Variants in UGT2B28 observed in about 807,000 individuals in gnomAD.
UGT2B28 encodes UDP glucuronosyltransferase family 2 member B28.
Under a neutral mutation model 43.6 loss-of-function variants are expected in UGT2B28, and 45 were observed. The ratio of observed to expected loss-of-function variants is 1.03; its 90% confidence interval spans 0.81 to 1.32. UGT2B28 has a LOEUF of 1.32. Among genes scored for constraint, UGT2B28 ranks in the 40% most tolerant of loss-of-function variants. The pLI, the probability that UGT2B28 is intolerant of heterozygous loss-of-function variation, is 0.00. For missense variants in UGT2B28, 649 were observed against 625.5 expected (o/e 1.04, Z -0.40); for synonymous variants, 204 against 208.1 (o/e 0.98, Z 0.17).
At chr4:69,290,533 T>C in intron 4 of UGT2B28, 59 bp from the exon 5 acceptor site, 1 of 1,527,214 alleles carries the variant, frequency 6.5e-7, no homozygotes, top group Non-Finnish European at 8.8e-7. Flanking sequence ...TCAGAGCATT[T>C]CATTGTGTAT....
At position 69,284,763 on chromosome 4, in the gene UGT2B28, T is replaced by C. The variant is rs758597171; in HGVS notation, c.871-1989T>C. On this transcript the variant is annotated intron_variant, in intron 2 of 5. Coordinates refer to ENST00000335568, the MANE Select transcript of UGT2B28 (RefSeq NM_053039.2). ...AAACCAGTTATTTAACTGTTTATTA[T>C]GTAAAATAACTGCTAACACAGGTTG... Among the ~76,000 whole-genome samples the C allele has an allele frequency of 1.6e-4, 22 of 141,214 alleles. 4 individuals carry two copies. Among genetic ancestry groups the C allele is most frequent in the Non-Finnish European group, 2.3e-4 (15 of 65,960 alleles). 92.6% of individuals were successfully genotyped at this position (141,214 alleles called of 152,430 possible).
chr4:69,290,158 T>C (rs1162464587), intron 4 of UGT2B28, among the ~76,000 whole-genome samples: 1 of 140,006 alleles, frequency 7.1e-6, no homozygotes, highest in African/African-American at 2.8e-5. Context: ...TTCCTAATCT[T>C]AATCTTAAAG....
In UGT2B28 at chr4:69,287,025, A is replaced by G. The variant is rs1421274449; in HGVS notation, c.1002+142A>G. 8.7e-6 allele frequency: 12 copies of G among 1,376,804 alleles called. 1 individual carries two copies. Among genetic ancestry groups the G allele is most frequent in the East Asian group, 2.6e-5 (1 of 38,228 alleles). 85.3% of individuals were successfully genotyped at this position (1,376,804 alleles called of 1,614,324 possible). On this transcript the variant is annotated intron_variant, in intron 3 of 5. Transcript: ENST00000335568. ...TAAATATCTTGTGTAGCTTCCACCG[A>G]CACAAGTCATAGTTGTGCCTCAGAC...
intron 3 of UGT2B28, among the ~76,000 whole-genome samples, chr4:69,288,549 T>C (rs1183215813): frequency 1.4e-5 from 2 of 140,174 alleles, no homozygotes; most frequent in African/African-American, 2.8e-5. Context: ...TATAATTTTT[T>C]ATACTTTTTT....
At chr4:69,285,070 A>G (rs1233706889) in intron 2 of UGT2B28, among the ~76,000 whole-genome samples, 2 of 139,690 alleles carry the variant, frequency 1.4e-5, no homozygotes, top group African/African-American at 2.8e-5. Context: ...GAAATATTCA[A>G]TTACACCATC....
At position 69,280,780 on chromosome 4, in the gene UGT2B28, G is replaced by A. The variant is rs201641950; in HGVS notation, c.280G>A (p.Val94Ile). The change falls in exon 1 of 6, where the codon GTT becomes ATT. Residue 94 changes from valine to isoleucine, a missense_variant. Transcript: ENST00000335568. The part of the protein sequence containing the change: ...TEFENIIMQQ[V>I]KRWSDIQKDS... Reference sequence around the variant, plus strand: ...ATTTGAGAATATCATCATGCAACAGGTTAAGAGATGGTCAGACATTCAAAA... The same window carrying A: ...ATTTGAGAATATCATCATGCAACAGATTAAGAGATGGTCAGACATTCAAAA... 1.8e-5 allele frequency: 28 copies of A among 1,568,394 alleles called. 1 individual carries two copies. Among genetic ancestry groups the A allele is most frequent in the Non-Finnish European group, 2.3e-5 (27 of 1,159,894 alleles).
chr4:69,286,853 T>C lies in UGT2B28; in HGVS notation c.972T>C (p.Ile324=), dbSNP rs771495598. The C allele has an allele frequency of 1.0e-4, 159 of 1,556,028 alleles. 22 individuals carry two copies. Among genetic ancestry groups the C allele is most frequent in the Admixed American group, 4.1e-4 (23 of 56,048 alleles). Reference sequence around the variant, plus strand: ...TGACAGCAGAAAGGGCCAACGTAATTGCAACAGCCCTTGCCAAGATCCCAC... The same window carrying C: ...TGACAGCAGAAAGGGCCAACGTAATCGCAACAGCCCTTGCCAAGATCCCAC... ...SNMTAERANV[I]ATALAKIPQK... is the part of the protein sequence containing the mutation. The change falls in exon 3 of 6, where the codon ATT becomes ATC. Residue 324 remains isoleucine, a synonymous_variant. Coordinates refer to ENST00000335568, the MANE Select transcript of UGT2B28 (RefSeq NM_053039.2).
intron 3 of UGT2B28, among the ~76,000 whole-genome samples, chr4:69,287,256 A>T (rs539038894): frequency 8.5e-5 from 12 of 140,982 alleles, no homozygotes; most frequent in Non-Finnish European, 1.8e-4. Context: ...ATGGTGCCTA[A>T]TGTAGTCTTT....
In UGT2B28 at chr4:69,281,084, C is replaced by G. The variant is rs780534422; in HGVS notation, c.584C>G (p.Pro195Arg). Reference protein sequence around the residue: ...GGLIFPPSYIPVVMSKLSDQM... With the variant: ...GGLIFPPSYIRVVMSKLSDQM... ...CTGATTTTCCCTCCTTCCTACATAC[C>G]TGTTGTTATGTCAAAATTAAGTGAT... The change falls in exon 1 of 6, where the codon CCT (proline) becomes CGT (arginine). Residue 195 changes from proline (P) to arginine (R), a missense_variant. Transcript: ENST00000335568. 1.5e-5 allele frequency: 23 copies of G among 1,559,312 alleles called. 3 individuals are homozygous for G. In the African/African-American group the frequency reaches 3.3e-4, roughly 23 times the overall value.
chr4:69,285,910 G>T (rs564120984), intron 2 of UGT2B28, among the ~76,000 whole-genome samples: 1 of 141,184 alleles, frequency 7.1e-6, no homozygotes, highest in Admixed American at 7.1e-5. Flanking sequence ...ACACAACAAA[G>T]TGATGATGAG....
chr4:69,280,996 A>G lies in UGT2B28; in HGVS notation c.496A>G (p.Ile166Val), dbSNP rs1209492492. ...TGAGCTGCTGGCTGCGCTACTTAAC[A>G]TACCGTTTGTGTACAGTCTCTGCTT... is the stretch of plus-strand genomic sequence containing the variant. ...CGELLAALLN[I>V]PFVYSLCFTP... Residue 166 changes from isoleucine (I) to valine (V), a missense_variant, in exon 1 of 6, where the codon ATA (isoleucine) becomes GTA (valine). Coordinates refer to ENST00000335568, the MANE Select transcript of UGT2B28 (RefSeq NM_053039.2). 3 of 1,560,188 alleles carry G rather than the reference A, an allele frequency of 1.9e-6. No homozygotes were observed. Among genetic ancestry groups the G allele is most frequent in the East Asian group, 4.6e-5 (2 of 43,582 alleles).
At chr4:69,281,319 T>C in intron 1 of UGT2B28, 98 bp downstream of exon 1, 2 of 1,306,538 alleles carry the variant, frequency 1.5e-6, no homozygotes, top group Non-Finnish European at 9.9e-7. Flanking sequence ...GTGGAGTTTT[T>C]GGTAAGTGAA....
In UGT2B28 at chr4:69,291,561, TG is replaced by T. The variant is rs371259493; in HGVS notation, c.1310+751del. 1.6e-3 allele frequency among the ~76,000 whole-genome samples: 226 copies of T among 141,434 alleles called. 52 individuals carry two copies. The highest frequency in any genetic ancestry group is 5.8e-3 in the African/African-American group (212 of 36,448). 92.8% of individuals were successfully genotyped at this position (141,434 alleles called of 152,430 possible). On this transcript the variant is annotated intron_variant, in intron 5 of 5. Coordinates refer to ENST00000335568, the MANE Select transcript of UGT2B28 (RefSeq NM_053039.2). ...GTTTTTGTTTTACTTCATATTGTTTTGTGTTTTAATACTTCATTTCCTTTAC... is the reference window on the plus strand; with the variant it reads ...GTTTTTGTTTTACTTCATATTGTTTTTGTTTTAATACTTCATTTCCTTTAC...
At chr4:69,293,891 T>C (rs1401810068) in intron 5 of UGT2B28, among the ~76,000 whole-genome samples, 1 of 140,634 alleles carries the variant, frequency 7.1e-6, no homozygotes, top group Admixed American at 7.2e-5. Context: ...TCATTCTGGC[T>C]ACAGGGTGGG....
In UGT2B28 at chr4:69,281,889, G is replaced by C. The variant is rs947111814; in HGVS notation, c.722-625G>C. On this transcript the variant is annotated intron_variant, in intron 1 of 5. Coordinates refer to ENST00000335568, the MANE Select transcript of UGT2B28 (RefSeq NM_053039.2). ...TATGTCTCTTTATTTAAAAATATGA[G>C]ACAGATTAAGGTTGAGTACAGATCT... Among the ~76,000 whole-genome samples, 19 of 140,230 alleles carry C rather than the reference G, an allele frequency of 1.4e-4. 4 individuals are homozygous for C. Among genetic ancestry groups the C allele is most frequent in the African/African-American group, 5.3e-4 (19 of 36,022 alleles). 92.0% of individuals were successfully genotyped at this position (140,230 alleles called of 152,430 possible).
Position 69,292,228 on chromosome 4 carries a change from G to T in UGT2B28, c.1310+1417G>T, listed in dbSNP as rs1466793241. On this transcript the variant is annotated intron_variant, in intron 5 of 5. Transcript: ENST00000335568. ...ATTTTAAGTTAAAGTTTTAATAATT[G>T]ATTTTGTTCACACCCCAAAGATAAC... Among the ~76,000 whole-genome samples the T allele has an allele frequency of 2.9e-5, 4 of 140,132 alleles. 1 individual carries two copies. The highest frequency in any genetic ancestry group is 1.1e-4 in the African/African-American group (4 of 35,998). 91.9% of individuals were successfully genotyped at this position (140,132 alleles called of 152,430 possible). A position where few individuals can be genotyped will look rare whatever the true frequency, so the allele number is the denominator to read the frequency against.
chr4:69,284,581 A>G (rs1292733713), intron 2 of UGT2B28, among the ~76,000 whole-genome samples: 1 of 139,902 alleles, frequency 7.1e-6, no homozygotes, highest in East Asian at 2.0e-4. Flanking sequence ...CCCCATTCAC[A>G]TTAAGGGAAA....
rs374435475 is a variant in UGT2B28, at chr4:69,285,155, T to C, written c.871-1597T>C. On this transcript the variant is annotated intron_variant, in intron 2 of 5. Transcript: ENST00000335568. Reference sequence around the variant, plus strand: ...GGAAGTTTTTGCAGGATAAAATGTATATACAATAAGATTGAAATTTTCTAA... The same window carrying C: ...GGAAGTTTTTGCAGGATAAAATGTACATACAATAAGATTGAAATTTTCTAA... Among the ~76,000 whole-genome samples, 19 of 139,890 alleles carry C rather than the reference T, an allele frequency of 1.4e-4. 4 individuals carry two copies. Among genetic ancestry groups the C allele is most frequent in the Admixed American group, 2.2e-4 (3 of 13,898 alleles). 91.8% of individuals were successfully genotyped at this position (139,890 alleles called of 152,430 possible). A position where few individuals can be genotyped will look rare whatever the true frequency, so the allele number is the denominator to read the frequency against.
In UGT2B28 at chr4:69,287,373, C is replaced by A. The variant is rs1367753524; in HGVS notation, c.1002+490C>A. 1.4e-5 allele frequency among the ~76,000 whole-genome samples: 2 copies of A among 140,586 alleles called. 1 individual carries two copies. Among genetic ancestry groups the A allele is most frequent in the Non-Finnish European group, 3.0e-5 (2 of 65,828 alleles). The allele number at this position is 140,586 out of a possible 152,430, so 92.2% of individuals were successfully genotyped here. A position where few individuals can be genotyped will look rare whatever the true frequency, so the allele number is the denominator to read the frequency against. On this transcript the variant is annotated intron_variant, in intron 3 of 5. Coordinates refer to ENST00000335568, the MANE Select transcript of UGT2B28 (RefSeq NM_053039.2). ...TTTTCTTCAAAGCTGTTTTCCTAAT[C>A]TCAGCAGTATCTAATGAGTGAAGAA...
Sources: allele counts gnomAD v4.1 joint callset (sites outside exome capture counted in the v4.1 genomes callset), GRCh38; gene constraint gnomAD v4.1.1; transcripts MANE v1.5; gene names NCBI Gene and HGNC (gene_info 2026-07-23, HGNC 2026-07-21).